TMPRSS11E: variants seen among roughly 807,000 people sequenced by gnomAD.
TMPRSS11E encodes transmembrane serine protease 11E, also known as transmembrane protease serine 11E.
In TMPRSS11E, 38 loss-of-function variants were observed where a neutral mutation model predicts 48.1. That is an observed-to-expected ratio of 0.79 (90% confidence interval 0.61 to 1.04). TMPRSS11E has a LOEUF of 1.04. TMPRSS11E is among the 50% of genes least tolerant of loss of function. The pLI is 0.00. For synonymous variants in TMPRSS11E, 158 were observed against 171.9 expected, an observed-to-expected ratio of 0.92 and a Z score of 0.63; for missense variants, 530 against 510.8, an observed-to-expected ratio of 1.04 and a Z score of -0.36.
At chr4:68,452,841 T>C (rs899546093) in intron 1 of TMPRSS11E, among the ~76,000 whole-genome samples, 5 of 151,984 alleles carry the variant, frequency 3.3e-5, no homozygotes, top group Admixed American at 2.6e-4. Context: ...GATTCAACAA[T>C]AAAGCTATAT....
At chr4:68,466,160 G>A (rs1381098989) in intron 2 of TMPRSS11E, among the ~76,000 whole-genome samples, 1 of 152,104 alleles carries the variant, frequency 6.6e-6, no homozygotes, top group East Asian at 1.9e-4. Context: ...TTCCTTTTCA[G>A]CCAAAATAAA....
intron 9 of TMPRSS11E, among the ~76,000 whole-genome samples, chr4:68,486,743 T>C (rs1729565071): frequency 6.6e-6 from 1 of 152,236 alleles, no homozygotes; most frequent in African/African-American, 2.4e-5. Flanking sequence ...ATCTCCACTA[T>C]AATTTTGTAT....
chr4:68,471,953 G>T (rs558783284), intron 5 of TMPRSS11E, among the ~76,000 whole-genome samples: 2 of 151,910 alleles, frequency 1.3e-5, no homozygotes, highest in South Asian at 2.1e-4. Context: ...TGTTCTGAGG[G>T]TGTGGTATAT....
intron 2 of TMPRSS11E, among the ~76,000 whole-genome samples, chr4:68,462,672 T>C (rs1302205609): frequency 6.6e-6 from 1 of 152,150 alleles, no homozygotes; most frequent in Non-Finnish European, 1.5e-5. Context: ...GTAGGCTCTA[T>C]TCTGTACCAG....
intron 9 of TMPRSS11E, 119 bp from the exon 10 acceptor site, chr4:68,496,524 C>T (rs183538538): frequency 1.4e-5 from 14 of 1,006,412 alleles, no homozygotes; most frequent in African/African-American, 3.3e-5. Flanking sequence ...CTTATGCATG[C>T]GAACACACGG....
At chr4:68,483,869 A>G (rs933997580) in intron 9 of TMPRSS11E, among the ~76,000 whole-genome samples, 12 of 152,222 alleles carry the variant, frequency 7.9e-5, no homozygotes, top group Non-Finnish European at 1.5e-4. Context: ...AGTTATACCC[A>G]GCACCATTTA....
rs748348097 is a variant in TMPRSS11E at position 68,496,755 on chromosome 4, C to T, written c.1223C>T (p.Thr408Ile). ...CAKPNKPGVY[T>I]RVTALRDWIT... ...AAACCCAACAAGCCTGGTGTTTATA[C>T]TAGAGTTACGGCCTTGCGGGACTGG... Residue 408 changes from threonine to isoleucine, a missense_variant, in exon 10 of 10, where the codon ACT (threonine) becomes ATT (isoleucine). Thr to Ile is a moderately conservative substitution (Grantham distance 89). Coordinates refer to ENST00000305363, the MANE Select transcript of TMPRSS11E (RefSeq NM_014058.4). 1.2e-6 allele frequency: 2 copies of T among 1,613,626 alleles called. No individual in the cohort carries two copies. Among genetic ancestry groups the T allele is most frequent in the South Asian group, 1.1e-5 (1 of 91,066 alleles).
In TMPRSS11E at chr4:68,477,369, A is replaced by T. The variant is rs1729250922; in HGVS notation, c.708A>T (p.Thr236=). 1 of 1,603,338 alleles carries T rather than the reference A, an allele frequency of 6.2e-7. No homozygotes were observed. Among genetic ancestry groups the T allele is most frequent in the Non-Finnish European group, 8.5e-7 (1 of 1,176,586 alleles). Reference sequence around the variant, plus strand: ...TTATTCTTCATTTTTTTCTCCCCAGATATAAGAACCCTGCCAGATGGACTG... The same window carrying T: ...TTATTCTTCATTTTTTTCTCCCCAGTTATAAGAACCCTGCCAGATGGACTG... ...WLVSAAHCFT[T]YKNPARWTAS... Residue 236 remains threonine, a splice_region_variant and synonymous_variant, in exon 8 of 10, where the codon ACA becomes ACT. Transcript: ENST00000305363.
chr4:68,462,446 G>A (rs1474299408), intron 2 of TMPRSS11E, among the ~76,000 whole-genome samples: 1 of 150,482 alleles, frequency 6.6e-6, no homozygotes, highest in East Asian at 2.0e-4. Flanking sequence ...AGCCAGGTGT[G>A]ATGGTGTACA....
rs776111729 is a variant in TMPRSS11E, at chr4:68,476,339, G to A, written c.608G>A (p.Trp203Ter). 4 of 1,614,202 alleles carry A rather than the reference G, an allele frequency of 2.5e-6. 1 individual carries two copies. The South Asian group carries it at 3.3e-5, about 13-fold the overall frequency. ...GGGACAGAAGTAGAAGAGGGTGAAT[G>A]GCCCTGGCAGGCTAGCCTGCAGTGG... ...VGGTEVEEGE[W>*]PWQASLQWDG... The change falls in exon 7 of 10, where the codon TGG (tryptophan) becomes TAG (stop). Residue 203 changes from tryptophan (W) to a stop codon, truncating the protein, a stop_gained. Coordinates refer to ENST00000305363, the MANE Select transcript of TMPRSS11E (RefSeq NM_014058.4). LOFTEE classifies it high-confidence loss of function.
intron 1 of TMPRSS11E, among the ~76,000 whole-genome samples, chr4:68,461,355 G>C (rs1227680359): frequency 2.0e-5 from 3 of 152,174 alleles, no homozygotes; most frequent in African/African-American, 4.8e-5. Flanking sequence ...GCTTCAAGCT[G>C]TAACACACTT....
At chr4:68,455,358 T>A (rs1322371118) in intron 1 of TMPRSS11E, among the ~76,000 whole-genome samples, 1 of 151,946 alleles carries the variant, frequency 6.6e-6, no homozygotes, top group East Asian at 1.9e-4. Flanking sequence ...TTTCCGCTGA[T>A]TTTTTAACAT....
chr4:68,457,028 T>A (rs892965305), intron 1 of TMPRSS11E, among the ~76,000 whole-genome samples: 1 of 152,052 alleles, frequency 6.6e-6, no homozygotes, highest in African/African-American at 2.4e-5. Context: ...CCAAAAGCAA[T>A]GGCAACAGAA....
intron 9 of TMPRSS11E, among the ~76,000 whole-genome samples, chr4:68,496,094 T>G (rs1167608857): frequency 2.0e-5 from 3 of 152,184 alleles, no homozygotes; most frequent in South Asian, 2.1e-4. Context: ...TTCACTGTCT[T>G]ACATCATCTT....
At chr4:68,471,693 A>G in intron 5 of TMPRSS11E, 70 bp downstream of exon 5, 1 of 1,327,682 alleles carries the variant, frequency 7.5e-7, no homozygotes, top group East Asian at 2.6e-5. Context: ...GCACTTATTA[A>G]AAAATTTTTT....
chr4:68,456,489 T>C (rs1287058742), intron 1 of TMPRSS11E, among the ~76,000 whole-genome samples: 1 of 152,046 alleles, frequency 6.6e-6, no homozygotes, highest in African/African-American at 2.4e-5. Context: ...AAATATATAA[T>C]CCATGCACGT....
chr4:68,482,416 C>T (rs1018360986), intron 9 of TMPRSS11E, among the ~76,000 whole-genome samples: 1 of 151,864 alleles, frequency 6.6e-6, no homozygotes, highest in African/African-American at 2.4e-5. Flanking sequence ...TTATGCCTTC[C>T]TAACAGTCCC....
intron 9 of TMPRSS11E, among the ~76,000 whole-genome samples, chr4:68,480,763 T>A (rs953747799): frequency 3.3e-5 from 5 of 152,164 alleles, no homozygotes; most frequent in Admixed American, 1.3e-4. Context: ...ATATCATGCT[T>A]TTAAATTTAT....
In TMPRSS11E at chr4:68,476,360, A is replaced by C; in HGVS notation, c.629A>C (p.Gln210Pro). The change falls in exon 7 of 10, where the codon CAG becomes CCG. Residue 210 changes from glutamine (Q) to proline (P), a missense_variant. Physicochemically the swap from Gln to Pro is moderately conservative, Grantham distance 76 (BLOSUM62 -1). Transcript: ENST00000305363. The part of the protein sequence containing the change: ...EGEWPWQASL[Q>P]WDGSHRCGAT... ...GAATGGCCCTGGCAGGCTAGCCTGC[A>C]GTGGGATGGGAGTCATCGCTGTGGA... 1 of 1,614,172 alleles carries C rather than the reference A, an allele frequency of 6.2e-7. No individual in the cohort carries two copies. Among genetic ancestry groups the C allele is most frequent in the Non-Finnish European group, 8.5e-7 (1 of 1,179,992 alleles).
Sources: gnomAD v4.1 joint callset for allele counts (sites outside exome capture counted in the v4.1 genomes callset) on GRCh38, gnomAD v4.1.1 for gene constraint, MANE v1.5 for transcripts, NCBI Gene and HGNC (gene_info 2026-07-23, HGNC 2026-07-21) for gene names.